MAPK4: variants seen among roughly 807,000 people sequenced by gnomAD.
The protein encoded by MAPK4 is Erk3-related.
A neutral mutation model predicts 47.7 loss-of-function variants in MAPK4; 22 were observed. The ratio of observed to expected loss-of-function variants is 0.46; its 90% CI spans 0.33 to 0.66. The LOEUF is 0.66. Among genes scored for constraint, MAPK4 ranks in the 30% least tolerant of loss-of-function variants. The probability of loss-of-function intolerance (pLI) is 0.02; values close to 1 mark genes in which losing one functional copy is unlikely to be tolerated. For missense variants in MAPK4, 736 were observed against 831.7 expected, an observed-to-expected ratio of 0.88 and a Z score of 1.42; for synonymous variants, 390 against 365.7, an observed-to-expected ratio of 1.07 and a Z score of -0.76.
At chr18:50,559,698 G>A (rs2149352748), upstream of MAPK4, among the ~76,000 whole-genome samples, 1 of 139,050 alleles carries the variant, frequency 7.2e-6, no homozygotes, top group East Asian at 2.4e-4. Flanking sequence ...CCCGCTTCCC[G>A]CCTTCTCGGC....
chr18:50,685,619 G>C (rs1182195191), intron 2 of MAPK4, among the ~76,000 whole-genome samples: 1 of 152,302 alleles, frequency 6.6e-6, no homozygotes, highest in South Asian at 2.1e-4. Flanking sequence ...TCCTGTCCTG[G>C]CATCTTCCCT....
intron 1 of MAPK4, among the ~76,000 whole-genome samples, chr18:50,634,811 G>T (rs578240509): frequency 4.6e-5 from 7 of 152,252 alleles, no homozygotes; most frequent in African/African-American, 1.7e-4. Context: ...AAATTCTTAA[G>T]GCCTACAATC....
At chr18:50,593,557 A>T (rs1416011001) in intron 1 of MAPK4, among the ~76,000 whole-genome samples, 2 of 152,186 alleles carry the variant, frequency 1.3e-5, no homozygotes, top group African/African-American at 4.8e-5. Flanking sequence ...GCTCATTGTG[A>T]AGAATAAGCA....
chr18:50,646,479 C>T (rs1301567787), intron 1 of MAPK4, among the ~76,000 whole-genome samples: 1 of 152,206 alleles, frequency 6.6e-6, no homozygotes, highest in Non-Finnish European at 1.5e-5. Flanking sequence ...AGGGATCCCA[C>T]TGGGAGCACG....
chr18:50,561,793 T>G (rs1363206999), intron 1 of MAPK4, among the ~76,000 whole-genome samples: 3 of 152,164 alleles, frequency 2.0e-5, no homozygotes, highest in African/African-American at 7.2e-5. Context: ...CAGGGCTGAA[T>G]AGTAAAAAGG....
At position 50,589,513 on chromosome 18, in the gene MAPK4, G is replaced by A. The variant is rs1336288772; in HGVS notation, c.-871+29270G>A. On this transcript the variant is annotated intron_variant, in intron 1 of 5. Coordinates refer to ENST00000400384, the MANE Select transcript of MAPK4 (RefSeq NM_002747.4). ...CGGGAGGCTGAGGCAGGAGAATGGC[G>A]GGAACCCGGGAGGCGGAGCTTGCAG... 3.3e-5 allele frequency among the ~76,000 whole-genome samples: 5 copies of A among 151,614 alleles called. No individual in the cohort carries two copies. The East Asian group carries it at 7.8e-4, about 24-fold the overall frequency.
At chr18:50,706,222 A>G (rs1011482992) in intron 2 of MAPK4, 1 of 152,188 alleles carries the variant, frequency 6.6e-6, no homozygotes, top group African/African-American at 2.4e-5. Flanking sequence ...GATTTATCTT[A>G]TCCTGAGGGG....
intron 1 of MAPK4, among the ~76,000 whole-genome samples, chr18:50,646,551 G>A (rs1000516367): frequency 7.2e-5 from 11 of 152,196 alleles, no homozygotes; most frequent in Non-Finnish European, 1.6e-4. Flanking sequence ...GAACTGCAGA[G>A]GGACGGGGGC....
chr18:50,587,729 T>C (rs1281162432), intron 1 of MAPK4, among the ~76,000 whole-genome samples: 1 of 152,138 alleles, frequency 6.6e-6, no homozygotes, highest in African/African-American at 2.4e-5. Flanking sequence ...GATGATGTTG[T>C]TTCTTTCTTT....
At position 50,660,929 on chromosome 18, in the gene MAPK4, A is replaced by G. The variant is rs1294892315; in HGVS notation, c.-870-2160A>G. ...AGACCACTGAAAAAGAGACACACAC[A>G]CGGGATACAGTCCCTCCCATGCATG... is the stretch of plus-strand genomic sequence containing the variant. On this transcript the variant is annotated intron_variant, in intron 1 of 5. Transcript: ENST00000400384. Among the ~76,000 whole-genome samples, 7 of 152,314 alleles carry G rather than the reference A, an allele frequency of 4.6e-5. No homozygotes were observed. The East Asian group carries it at 7.7e-4, about 17-fold the overall frequency.
chr18:50,724,432 G>A (rs567466623), intron 4 of MAPK4, among the ~76,000 whole-genome samples: 20 of 152,346 alleles, frequency 1.3e-4, no homozygotes, highest in African/African-American at 4.3e-4. Context: ...AAAAGGTCAA[G>A]TCATGGCTGG....
At chr18:50,707,771 G>A (rs1208039947) in intron 2 of MAPK4, among the ~76,000 whole-genome samples, 1 of 151,948 alleles carries the variant, frequency 6.6e-6, no homozygotes, top group African/African-American at 2.4e-5. Flanking sequence ...GACCACACAG[G>A]GCCTGGAGTG....
At chr18:50,589,412 C>T (rs1402464081) in intron 1 of MAPK4, among the ~76,000 whole-genome samples, 1 of 151,870 alleles carries the variant, frequency 6.6e-6, no homozygotes, top group South Asian at 2.1e-4. Flanking sequence ...CTGGCTAACA[C>T]GGTGAAACCC....
At chr18:50,576,069 G>A (rs2042294285) in intron 1 of MAPK4, among the ~76,000 whole-genome samples, 1 of 152,170 alleles carries the variant, frequency 6.6e-6, no homozygotes, top group South Asian at 2.1e-4. Context: ...CAGCCATTGT[G>A]GGAGACAGTT....
At chr18:50,680,946 G>GA (rs1908552841) in intron 2 of MAPK4, among the ~76,000 whole-genome samples, 1 of 152,164 alleles carries the variant, frequency 6.6e-6, no homozygotes, top group African/African-American at 2.4e-5. Flanking sequence ...TATATACCTA[G>GA]GAGCGAAATT....
chr18:50,640,330 C>A (rs1365637363), intron 1 of MAPK4, among the ~76,000 whole-genome samples: 1 of 147,316 alleles, frequency 6.8e-6, no homozygotes, highest in African/African-American at 2.5e-5. Flanking sequence ...GAAACTTGGA[C>A]TTATACACAG....
intron 1 of MAPK4, among the ~76,000 whole-genome samples, chr18:50,653,339 T>A (rs201473608): frequency 6.6e-6 from 1 of 152,178 alleles, no homozygotes; most frequent in East Asian, 1.9e-4. Flanking sequence ...AAGATACCTT[T>A]TATGGCTGGT....
At chr18:50,615,678 A>G (rs983802902) in intron 1 of MAPK4, among the ~76,000 whole-genome samples, 1 of 152,242 alleles carries the variant, frequency 6.6e-6, no homozygotes, top group Non-Finnish European at 1.5e-5. Context: ...TTGGGTGACA[A>G]CTGGTAATCT....
chr18:50,568,956 T>C (rs539068356), intron 1 of MAPK4, among the ~76,000 whole-genome samples: 2 of 152,342 alleles, frequency 1.3e-5, no homozygotes, highest in South Asian at 4.1e-4. Context: ...TTTATTGTAA[T>C]TTTTATGTTG....
Sources: allele counts gnomAD v4.1 joint callset (sites outside exome capture counted in the v4.1 genomes callset), GRCh38; gene constraint gnomAD v4.1.1; transcripts MANE v1.5; gene names NCBI Gene and HGNC (gene_info 2026-07-23, HGNC 2026-07-21).